The following ARID3A variants were observed in gnomAD, a reference collection of about 807,000 sequenced individuals.
ARID3A encodes AT-rich interactive domain-containing protein 3A.
ARID3A carries 11 observed loss-of-function variants against 52.7 expected under a neutral mutation model. That is an observed-to-expected ratio of 0.21 (90% CI 0.13 to 0.35). The LOEUF (loss-of-function observed/expected upper bound fraction) is 0.35, where lower values mean the gene tolerates loss of function less well. Ranked by LOEUF, ARID3A falls within the 10% of genes least tolerant of loss-of-function variation. The pLI is 1.00. For synonymous variants in ARID3A, 404 were observed against 359.4 expected, an observed-to-expected ratio of 1.12 and a Z score of -1.40; for missense variants, 721 against 838.5, an observed-to-expected ratio of 0.86 and a Z score of 1.73.
Position 959,716 on chromosome 19 carries a change from GGAGA to G in ARID3A, c.694-369_694-366del, listed in dbSNP as rs561423636. Among the ~76,000 whole-genome samples, 1 of 151,960 alleles carries G rather than the reference GGAGA, an allele frequency of 6.6e-6. No individual in the cohort carries two copies. The highest frequency in any genetic ancestry group is 2.4e-5 in the African/African-American group (1 of 41,372). ...CCAGCAGGCTGGTGTCCTGAGAAGAGGAGAGAGAGACGGGGAGACGGTCTTGTGG... is the reference window on the plus strand; with the variant it reads ...CCAGCAGGCTGGTGTCCTGAGAAGAGGAGAGACGGGGAGACGGTCTTGTGG... On this transcript the variant is annotated intron_variant, in intron 3 of 8. Transcript: ENST00000263620. The surrounding 1 kb of genome is among the most constrained non-coding windows in gnomAD (Gnocchi z 5.0).
chr19:947,548 C>T lies in ARID3A; in HGVS notation c.694-12544C>T, dbSNP rs985053167. ...TGTCTCAGCCCCCACCCAGATGCCC[C>T]GGGACCGTTTCACAGATGAGAAGAC... is the stretch of plus-strand genomic sequence containing the variant. On this transcript the variant is annotated intron_variant, in intron 3 of 8. Transcript: ENST00000263620. This position sits in a 1 kb window ranked among gnomAD's most constrained non-coding sequence, Gnocchi z 6.3. 2.6e-5 allele frequency among the ~76,000 whole-genome samples: 4 copies of T among 152,128 alleles called. No individual in the cohort carries two copies. Among genetic ancestry groups the T allele is most frequent in the Non-Finnish European group, 4.4e-5 (3 of 68,022 alleles).
chr19:962,821 C>A (rs1437614690), intron 4 of ARID3A, among the ~76,000 whole-genome samples: 1 of 152,120 alleles, frequency 6.6e-6, no homozygotes, highest in African/African-American at 2.4e-5. Flanking sequence ...GGCCTGATGC[C>A]GTTACTTTTA....
rs769478791 is a variant in ARID3A at position 960,056 on chromosome 19, G to A, written c.694-36G>A. 1.3e-6 allele frequency: 2 copies of A among 1,587,538 alleles called. No individual in the cohort carries two copies. Among genetic ancestry groups the A allele is most frequent in the Non-Finnish European group, 1.7e-6 (2 of 1,159,404 alleles). Reference sequence around the variant, plus strand: ...GACATGGTTCCCACACCTGAGCTCTGGCACCAACTAACCCATCCCCTCTCC... The same window carrying A: ...GACATGGTTCCCACACCTGAGCTCTAGCACCAACTAACCCATCCCCTCTCC... On this transcript the variant is annotated intron_variant, in intron 3 of 8. Transcript: ENST00000263620. The surrounding 1 kb of genome is among the most constrained non-coding windows in gnomAD (Gnocchi z 4.3).
intron 8 of ARID3A, among the ~76,000 whole-genome samples, chr19:969,998 A>G (rs2038243743): frequency 1.3e-5 from 2 of 151,826 alleles, no homozygotes; most frequent in South Asian, 4.2e-4. Flanking sequence ...CACCCTATAT[A>G]TACATATTTT....
chr19:944,963 G>A lies in ARID3A; in HGVS notation c.693+12221G>A, dbSNP rs1330001282. The stretch of plus-strand genomic sequence containing the variant: ...CCACCCGCCCCGTCCCTTCCACCAC[G>A]TCGCCCTGTAATTCTTCCCTGACGG... On this transcript the variant is annotated intron_variant, in intron 3 of 8. Coordinates refer to ENST00000263620, the MANE Select transcript of ARID3A (RefSeq NM_005224.3). This position sits in a 1 kb window ranked among gnomAD's most constrained non-coding sequence, Gnocchi z 5.9. Among the ~76,000 whole-genome samples the A allele has an allele frequency of 6.6e-6, 1 of 151,694 alleles. No individual in the cohort carries two copies. Among genetic ancestry groups the A allele is most frequent in the African/African-American group, 2.4e-5 (1 of 41,266 alleles).
intron 2 of ARID3A, among the ~76,000 whole-genome samples, chr19:930,710 C>T (rs1331407250): frequency 1.5e-4 from 22 of 150,522 alleles, no homozygotes; most frequent in Admixed American, 3.3e-4. Context: ...GGGGTTTCAC[C>T]ATGTTAGCCA....
intron 8 of ARID3A, among the ~76,000 whole-genome samples, chr19:969,669 A>G (rs2038236193): frequency 1.9e-4 from 1 of 5,350 alleles, no homozygotes; most frequent in Non-Finnish European, 5.3e-4. Context: ...ATATCTACAT[A>G]GATATATATA....
rs558278633 is a variant in ARID3A at position 926,890 on chromosome 19, C to G, written c.-268+831C>G. On this transcript the variant is annotated intron_variant, in intron 1 of 8. Coordinates refer to ENST00000263620, the MANE Select transcript of ARID3A (RefSeq NM_005224.3). ...CGCTCGGGCTGGAGGGGTTCCCCCC[C>G]CCATGCAAATCGGCCGCTTTCCAAG... Among the ~76,000 whole-genome samples the G allele has an allele frequency of 6.0e-3, 916 of 152,184 alleles. 10 individuals carry two copies. The highest frequency in any genetic ancestry group is 0.02 in the African/African-American group (821 of 41,568).
chr19:969,397 C>T (rs750147432), intron 8 of ARID3A, among the ~76,000 whole-genome samples: 2 of 151,212 alleles, frequency 1.3e-5, no homozygotes, highest in Non-Finnish European at 3.0e-5. Context: ...ATCAGCAGGG[C>T]GTGGTGGCAG....
At chr19:946,424 G>A (rs902541325) in intron 3 of ARID3A, among the ~76,000 whole-genome samples, 2 of 144,606 alleles carry the variant, frequency 1.4e-5, no homozygotes, top group Non-Finnish European at 3.0e-5. Context: ...ACCACGCCCG[G>A]CTAATTTTTT....
Position 929,616 on chromosome 19 carries a change from G to A in ARID3A, c.88G>A (p.Asp30Asn), listed in dbSNP as rs3746143. 423 of 1,524,666 alleles carry A rather than the reference G, an allele frequency of 2.8e-4. 2 individuals are homozygous for A. The East Asian group carries it at 0.01, about 38-fold the overall frequency. 94.4% of individuals were successfully genotyped at this position (1,524,666 alleles called of 1,614,324 possible). The change falls in exon 2 of 9, where the codon GAT (aspartate) becomes AAT (asparagine). Residue 30 changes from aspartate to asparagine, a missense_variant. Physicochemically the swap from Asp to Asn is conservative, Grantham distance 23. Transcript: ENST00000263620. This position sits in a 1 kb window ranked among gnomAD's most constrained non-coding sequence, Gnocchi z 6.2. ...ELEARQQLPP[D>N]PPAAPPGRAR... Reference sequence around the variant, plus strand: ...GGAGGCCCGGCAGCAGCTGCCCCCCGATCCCCCTGCTGCACCCCCCGGCCG... The same window carrying A: ...GGAGGCCCGGCAGCAGCTGCCCCCCAATCCCCCTGCTGCACCCCCCGGCCG...
chr19:940,051 G>A (rs2037514254), intron 3 of ARID3A, among the ~76,000 whole-genome samples: 2 of 152,056 alleles, frequency 1.3e-5, no homozygotes, highest in South Asian at 4.1e-4. Context: ...TCAGGGCTGG[G>A]CTAGAGGGGA....
chr19:941,811 G>GTC lies in ARID3A; in HGVS notation c.693+9069_693+9070insTC, dbSNP rs1599395216. On this transcript the variant is annotated intron_variant, in intron 3 of 8. Coordinates refer to ENST00000263620, the MANE Select transcript of ARID3A (RefSeq NM_005224.3). This position sits in a 1 kb window ranked among gnomAD's most constrained non-coding sequence, Gnocchi z 6.9. ...TGTGTGTGTGTGTGTGTGTGTGTCA[G>GTC]GGGTGGCTGCAAGCGTATGTGTGTG... Among the ~76,000 whole-genome samples the GTC allele has an allele frequency of 6.7e-6, 1 of 148,552 alleles. No homozygotes were observed.
intron 3 of ARID3A, among the ~76,000 whole-genome samples, chr19:940,910 C>T (rs1010322225): frequency 3.3e-5 from 5 of 151,972 alleles, no homozygotes; most frequent in African/African-American, 7.2e-5. Context: ...TGGGCCCTGG[C>T]GGGCGAGGGG....
chr19:969,549 T>C (rs1372207994), intron 8 of ARID3A, among the ~76,000 whole-genome samples: 1 of 151,604 alleles, frequency 6.6e-6, no homozygotes, highest in Non-Finnish European at 1.5e-5. Flanking sequence ...TCTCTCTCTA[T>C]ATATCTATAT....
rs1012573722 is a variant in ARID3A, at chr19:941,777, GGC to G, written c.693+9036_693+9037del. On this transcript the variant is annotated intron_variant, in intron 3 of 8. Transcript: ENST00000263620. The surrounding 1 kb of genome is among the most constrained non-coding windows in gnomAD (Gnocchi z 6.9). ...GGTCTCTTGTGTTTTGTGTGGATGT[GGC>G]TGTGTGTGTGTGTGTGTGTGTGTGT... Among the ~76,000 whole-genome samples, 108 of 142,842 alleles carry G rather than the reference GGC, an allele frequency of 7.6e-4. No homozygotes were observed. The highest frequency in any genetic ancestry group is 2.9e-3 in the African/African-American group (104 of 36,404). The allele number at this position is 142,842 out of a possible 152,430, so 93.7% of individuals were successfully genotyped here. A position where few individuals can be genotyped will look rare whatever the true frequency, so the allele number is the denominator to read the frequency against.
intron 3 of ARID3A, among the ~76,000 whole-genome samples, chr19:957,533 G>C (rs2145433561): frequency 6.6e-6 from 1 of 152,320 alleles, no homozygotes; most frequent in East Asian, 1.9e-4. Flanking sequence ...CACTGTCCTA[G>C]GGTAAATTGT....
Position 965,070 on chromosome 19 carries a change from G to T in ARID3A, c.1188G>T (p.Lys396Asn). The T allele has an allele frequency of 6.2e-7, 1 of 1,610,136 alleles. No individual in the cohort carries two copies. The highest frequency in any genetic ancestry group is 8.5e-7 in the Non-Finnish European group (1 of 1,178,566). The change falls in exon 6 of 9, where the codon AAG (lysine) becomes AAT (asparagine). Residue 396 changes from lysine to asparagine, a missense_variant. By Grantham distance (94) the Lys-to-Asn change is moderately conservative. Coordinates refer to ENST00000263620, the MANE Select transcript of ARID3A (RefSeq NM_005224.3). The part of the protein sequence containing the change: ...TNGSSITPAP[K>N]IKKEEDSAIP... ...GCAGCTCCATCACCCCCGCCCCTAA[G>T]ATCAAGAAAGGTAAGGGCCTGTATG...
intron 2 of ARID3A, among the ~76,000 whole-genome samples, chr19:932,187 A>G (rs1042144857): frequency 1.3e-5 from 2 of 152,092 alleles, no homozygotes; most frequent in Non-Finnish European, 2.9e-5. Context: ...CAAGGCCCCA[A>G]AATTCACGCT....
Sources: allele counts gnomAD v4.1 joint callset (sites outside exome capture counted in the v4.1 genomes callset), GRCh38; gene constraint gnomAD v4.1.1; non-coding constraint Gnocchi (gnomAD v3.1); transcripts MANE v1.5; gene names NCBI Gene and HGNC (gene_info 2026-07-23, HGNC 2026-07-21).